AOPEP: variants seen among roughly 807,000 people sequenced by gnomAD.
AOPEP encodes aminopeptidase O (putative), also known as aminopeptidase O.
Under a neutral mutation model 98.1 loss-of-function variants are expected in AOPEP, and 77 were observed. The ratio of observed to expected loss-of-function variants is 0.78; its 90% CI spans 0.65 to 0.95. The LOEUF is 0.95. Among genes scored for constraint, AOPEP ranks in the 40% least tolerant of loss-of-function variants. The pLI, the probability that AOPEP is intolerant of heterozygous loss-of-function variation, is 0.00. For synonymous variants in AOPEP, 346 were observed against 365.3 expected, an observed-to-expected ratio of 0.95 and a Z score of 0.60; for missense variants, 1,024 against 1,024.7, an observed-to-expected ratio of 1.00 and a Z score of 0.01.
intron 3 of AOPEP, among the ~76,000 whole-genome samples, chr9:94,789,855 A>G (rs1376951971): frequency 6.7e-6 from 1 of 149,892 alleles, no homozygotes; most frequent in Non-Finnish European, 1.5e-5. Context: ...TGTCCCTTTA[A>G]GGAGGAGTAT....
At chr9:95,124,832 T>C in the AOPEP span, among the ~76,000 whole-genome samples, 1 of 152,174 alleles carries the variant, frequency 6.6e-6, no homozygotes, top group Admixed American at 6.5e-5. Flanking sequence ...TCCAGGGCCA[T>C]GCATGCTGGC....
intron 5 of AOPEP, among the ~76,000 whole-genome samples, chr9:94,854,522 A>G (rs867813309): frequency 6.6e-6 from 1 of 152,326 alleles, no homozygotes; most frequent in Admixed American, 6.5e-5. Context: ...TTCCAGCTGT[A>G]TCCCTAGTGC....
chr9:94,968,812 A>G (rs1360337204), intron 10 of AOPEP, among the ~76,000 whole-genome samples: 1 of 152,094 alleles, frequency 6.6e-6, no homozygotes, highest in Non-Finnish European at 1.5e-5. Flanking sequence ...TCCTCTGTGT[A>G]TCAGGCACTG....
At chr9:94,995,970 A>G (rs2061195511) in intron 11 of AOPEP, among the ~76,000 whole-genome samples, 1 of 152,140 alleles carries the variant, frequency 6.6e-6, no homozygotes, top group Non-Finnish European at 1.5e-5. Context: ...TGCTTGGCTG[A>G]TCAGTGCTGG....
At position 94,933,042 on chromosome 9, in the gene AOPEP, C is replaced by A. The variant is rs907821000; in HGVS notation, c.1661+4511C>A. The A allele has an allele frequency of 1.1e-5, 11 of 985,324 alleles. No homozygotes were observed. The Admixed American group carries it at 3.7e-4, about 33-fold the overall frequency. The allele number at this position is 985,324 out of a possible 1,614,324, so 61.0% of individuals were successfully genotyped here. ...TTTCCCACAGATAAGACCCCAAGGA[C>A]TCTCCCAGACTCTTCATCTCCTCTC... is the stretch of plus-strand genomic sequence containing the variant. On this transcript the variant is annotated intron_variant, in intron 7 of 16. Coordinates refer to ENST00000375315, the MANE Select transcript of AOPEP (RefSeq NM_001193329.3).
At chr9:95,141,411 C>T in the AOPEP span, among the ~76,000 whole-genome samples, 2 of 148,142 alleles carry the variant, frequency 1.4e-5, no homozygotes, top group Admixed American at 6.8e-5. Context: ...TTAGTTACTG[C>T]TAATTCTTTG....
At chr9:94,804,081 G>GTC (rs1249236853) in intron 5 of AOPEP, among the ~76,000 whole-genome samples, 2 of 152,158 alleles carry the variant, frequency 1.3e-5, no homozygotes, top group East Asian at 3.9e-4. Context: ...TGTTCTCAGA[G>GTC]TCTCTGCTGG....
At chr9:95,107,611 G>A in the AOPEP span, 4 of 415,396 alleles carry the variant, frequency 9.6e-6, no homozygotes, top group East Asian at 4.4e-5. Flanking sequence ...TTGAAGACTC[G>A]CCTATCACAG....
intron 5 of AOPEP, among the ~76,000 whole-genome samples, chr9:94,902,869 A>T (rs2050597991): frequency 6.6e-6 from 1 of 151,902 alleles, no homozygotes; most frequent in Admixed American, 6.6e-5. Flanking sequence ...CAGCCTGATC[A>T]ACATGGAGAA....
intron 5 of AOPEP, among the ~76,000 whole-genome samples, chr9:94,894,282 G>T (rs2136107619): frequency 6.6e-6 from 1 of 152,208 alleles, no homozygotes. Flanking sequence ...TTGATTTATT[G>T]CCAAAACCAA....
intron 5 of AOPEP, among the ~76,000 whole-genome samples, chr9:94,887,259 G>C (rs1484356212): frequency 6.6e-6 from 1 of 152,050 alleles, no homozygotes; most frequent in Admixed American, 6.6e-5. Context: ...GAGGTGGGAG[G>C]ATGGCTTGAG....
At chr9:95,062,079 G>A (rs1245458137) in intron 14 of AOPEP, among the ~76,000 whole-genome samples, 1 of 152,168 alleles carries the variant, frequency 6.6e-6, no homozygotes. Flanking sequence ...CTTGATGTCC[G>A]GAAACCATGA....
chr9:94,836,219 A>G (rs1265547877), intron 5 of AOPEP, among the ~76,000 whole-genome samples: 1 of 152,208 alleles, frequency 6.6e-6, no homozygotes. Flanking sequence ...GTGTGAACAT[A>G]AATTTTTACT....
intron 13 of AOPEP, among the ~76,000 whole-genome samples, chr9:95,025,346 C>G (rs575432723): frequency 1.3e-5 from 2 of 152,338 alleles, no homozygotes; most frequent in East Asian, 3.9e-4. Flanking sequence ...CAGATACTGT[C>G]AGCCCACAGC....
intron 11 of AOPEP, among the ~76,000 whole-genome samples, chr9:95,000,752 T>G (rs555686135): frequency 6.0e-4 from 91 of 152,338 alleles, no homozygotes; most frequent in Non-Finnish European, 1.2e-3. Context: ...TATAAATATT[T>G]GATAATTTTG....
At chr9:94,973,048 A>G (rs1241319368) in intron 10 of AOPEP, among the ~76,000 whole-genome samples, 1 of 152,230 alleles carries the variant, frequency 6.6e-6, no homozygotes, top group Non-Finnish European at 1.5e-5. Context: ...ACAGATGTAA[A>G]TTGAATTCCA....
At chr9:94,925,189 C>G (rs2054127781) in intron 6 of AOPEP, among the ~76,000 whole-genome samples, 1 of 152,186 alleles carries the variant, frequency 6.6e-6, no homozygotes, top group Non-Finnish European at 1.5e-5. Flanking sequence ...GGGGGTTTCG[C>G]CATATTGGCC....
chr9:94,932,325 A>G (rs2055465220), intron 7 of AOPEP: 6 of 972,038 alleles, frequency 6.2e-6, no homozygotes, highest in Non-Finnish European at 7.3e-6. Flanking sequence ...TAGATACTGG[A>G]GTATTAACAA....
At chr9:94,806,653 A>G (rs891452368) in intron 5 of AOPEP, among the ~76,000 whole-genome samples, 5 of 152,108 alleles carry the variant, frequency 3.3e-5, no homozygotes, top group African/African-American at 4.8e-5. Context: ...TTTGCGTCCT[A>G]TGTTATAGGT....
Sources: gnomAD v4.1 joint callset for allele counts (sites outside exome capture counted in the v4.1 genomes callset) on GRCh38, gnomAD v4.1.1 for gene constraint, MANE v1.5 for transcripts, NCBI Gene and HGNC (gene_info 2026-07-23, HGNC 2026-07-21) for gene names.